Variants in SV2C observed in about 807,000 individuals in gnomAD.
SV2C encodes the protein solute carrier family 22 member B3.
In SV2C, 49 loss-of-function variants were observed where a neutral mutation model predicts 79.7. That is an observed-to-expected ratio of 0.61 (90% confidence interval 0.49 to 0.78). The LOEUF (loss-of-function observed/expected upper bound fraction) is 0.78, where lower values mean the gene tolerates loss of function less well. Among genes scored for constraint, SV2C ranks in the 30% least tolerant of loss-of-function variants. SV2C has a pLI of 0.00. For synonymous variants in SV2C, 334 were observed against 333.2 expected (o/e 1.00, Z -0.03); for missense variants, 833 against 912.9 (o/e 0.91, Z 1.13).
At chr5:76,104,115 G>T (rs1017867701) in intron 1 of SV2C, among the ~76,000 whole-genome samples, 3 of 152,208 alleles carry the variant, frequency 2.0e-5, no homozygotes. Context: ...ATAAAAGTCA[G>T]CAGAGAGGAG....
At chr5:75,959,023 A>G in the SV2C span, among the ~76,000 whole-genome samples, 1 of 151,966 alleles carries the variant, frequency 6.6e-6, no homozygotes, top group Non-Finnish European at 1.5e-5. Flanking sequence ...TAAAACTGTG[A>G]CAGAAAAAGT....
Position 76,330,080 on chromosome 5 carries a change from C to A in SV2C, c.*4533C>A, listed in dbSNP as rs937619682. The A allele has an allele frequency of 1.3e-4, 20 of 150,182 alleles. No homozygotes were observed. Among genetic ancestry groups the A allele is most frequent in the African/African-American group, 4.9e-4 (20 of 40,814 alleles). 9.3% of individuals were successfully genotyped at this position (150,182 alleles called of 1,614,324 possible). ...TAATGTAGACAAAAAAAAAAAAAAA[C>A]CTGTTAGTATATTCTGGATGTATTG... On this transcript the variant is annotated 3_prime_UTR_variant, in exon 13 of 13. Transcript: ENST00000502798.
the SV2C span, among the ~76,000 whole-genome samples, chr5:75,937,929 C>T: frequency 1.2e-3 from 178 of 148,542 alleles, no homozygotes; most frequent in African/African-American, 4.1e-3. Context: ...TTTTAATTAT[C>T]AATTTTTATA....
At chr5:75,933,657 G>A in the SV2C span, among the ~76,000 whole-genome samples, 7 of 152,224 alleles carry the variant, frequency 4.6e-5, no homozygotes, top group African/African-American at 7.2e-5. Flanking sequence ...ACACAGGCAA[G>A]TAAGTACCTT....
intron 12 of SV2C, among the ~76,000 whole-genome samples, chr5:76,347,355 G>A (rs1194322999): frequency 6.6e-6 from 1 of 152,132 alleles, no homozygotes; most frequent in Non-Finnish European, 1.5e-5. Context: ...GGGAAGCTGG[G>A]GAATGAGTGC....
At chr5:76,036,458 A>C in the SV2C span, among the ~76,000 whole-genome samples, 1 of 152,016 alleles carries the variant, frequency 6.6e-6, no homozygotes, top group African/African-American at 2.4e-5. Context: ...AAAATCTCTC[A>C]GCATTTGCTT....
intron 4 of SV2C, among the ~76,000 whole-genome samples, chr5:76,248,681 C>T (rs1359933188): frequency 1.3e-5 from 2 of 150,326 alleles, no homozygotes; most frequent in Admixed American, 6.7e-5. Context: ...TGCAGTGGTG[C>T]GATCTTGGCT....
intron 9 of SV2C, among the ~76,000 whole-genome samples, chr5:76,296,385 G>A (rs1010950204): frequency 2.0e-5 from 3 of 152,136 alleles, no homozygotes; most frequent in Admixed American, 1.3e-4. Context: ...TTCCCAATAC[G>A]CTGAATCCAG....
rs556617135 is a variant in SV2C, at chr5:76,240,756, G to T, written c.913+30869G>T. ...AAGTCCCTGTCTCAGGCTCCATTTG[G>T]GGAAACCAAACTAAGACACCACCTC... On this transcript the variant is annotated intron_variant, in intron 4 of 12. Coordinates refer to ENST00000502798, the MANE Select transcript of SV2C (RefSeq NM_014979.4). Among the ~76,000 whole-genome samples, 7 of 152,186 alleles carry T rather than the reference G, an allele frequency of 4.6e-5. No individual in the cohort carries two copies. The South Asian group carries it at 1.2e-3, about 27-fold the overall frequency.
chr5:76,011,136 A>G, the SV2C span, among the ~76,000 whole-genome samples: 1 of 152,322 alleles, frequency 6.6e-6, no homozygotes, highest in Admixed American at 6.5e-5. Context: ...AAAGATACTG[A>G]CAAAGAAATT....
the SV2C span, among the ~76,000 whole-genome samples, chr5:76,011,445 A>G: frequency 6.6e-6 from 1 of 152,096 alleles, no homozygotes; most frequent in Non-Finnish European, 1.5e-5. Flanking sequence ...GCTCAGAACT[A>G]TTTATCTCTG....
downstream of SV2C, among the ~76,000 whole-genome samples, chr5:76,337,675 A>T (rs1381982634): frequency 6.6e-6 from 1 of 152,168 alleles, no homozygotes; most frequent in Non-Finnish European, 1.5e-5. Context: ...GGGATGATAA[A>T]GACAGGCTGA....
At chr5:76,084,936 A>G (rs1747130433) in intron 1 of SV2C, among the ~76,000 whole-genome samples, 1 of 151,944 alleles carries the variant, frequency 6.6e-6, no homozygotes, top group Non-Finnish European at 1.5e-5. Context: ...AGCCGCAGCT[A>G]CCGGGCGCTC....
intron 4 of SV2C, among the ~76,000 whole-genome samples, chr5:76,233,208 A>G (rs1293477728): frequency 0.016 from 1,599 of 100,484 alleles, 11 homozygotes; most frequent in East Asian, 0.075. Flanking sequence ...GCAATTGTGA[A>G]TGGGAGTTCA....
At chr5:76,096,196 G>A (rs911029452) in intron 1 of SV2C, among the ~76,000 whole-genome samples, 1 of 152,058 alleles carries the variant, frequency 6.6e-6, no homozygotes. Flanking sequence ...TATTGCACTG[G>A]TTAACTTCTA....
chr5:76,350,190 C>T (rs1322834698), intron 12 of SV2C, among the ~76,000 whole-genome samples: 3 of 152,162 alleles, frequency 2.0e-5, no homozygotes, highest in South Asian at 4.1e-4. Context: ...GCCCTCCATA[C>T]ATGTGATTTT....
At chr5:76,272,612 T>C (rs148141024) in intron 4 of SV2C, among the ~76,000 whole-genome samples, 1 of 152,210 alleles carries the variant, frequency 6.6e-6, no homozygotes, top group African/African-American at 2.4e-5. Context: ...TGTTTTGTTT[T>C]GTTTTGTTTT....
rs546511108 is a variant in SV2C at position 76,274,243 on chromosome 5, T to G, written c.914-10919T>G. On this transcript the variant is annotated intron_variant, in intron 4 of 12. Transcript: ENST00000502798. Reference sequence around the variant, plus strand: ...TTGAAAAGCTTTCTCTTTTCCTTTTTGGGTAAAAAGTTATACAAGACACTA... The same window carrying G: ...TTGAAAAGCTTTCTCTTTTCCTTTTGGGGTAAAAAGTTATACAAGACACTA... Among the ~76,000 whole-genome samples the G allele has an allele frequency of 1.2e-4, 19 of 152,350 alleles. No individual in the cohort carries two copies. The South Asian group carries it at 3.9e-3, about 32-fold the overall frequency.
chr5:76,322,058 A>G (rs567538571), intron 12 of SV2C, among the ~76,000 whole-genome samples: 15 of 152,346 alleles, frequency 9.8e-5, no homozygotes, highest in Admixed American at 2.6e-4. Context: ...CCTCCATAGT[A>G]TCTGAAAGAT....
Sources: allele counts gnomAD v4.1 joint callset (sites outside exome capture counted in the v4.1 genomes callset), GRCh38; gene constraint gnomAD v4.1.1; transcripts MANE v1.5; gene names NCBI Gene and HGNC (gene_info 2026-07-23, HGNC 2026-07-21).